Variants in DTL observed in about 807,000 individuals in gnomAD.
DTL encodes denticleless E3 ubiquitin protein ligase adapter, also known as denticleless protein homolog.
DTL carries 46 observed loss-of-function variants against 87.0 expected under a neutral mutation model. That is an observed-to-expected ratio of 0.53 (90% CI 0.42 to 0.68). The LOEUF (loss-of-function observed/expected upper bound fraction) is 0.68, where lower values mean the gene tolerates loss of function less well. DTL is among the 30% of genes least tolerant of loss of function. The pLI, the probability that DTL is intolerant of heterozygous loss-of-function variation, is 0.00. For missense variants in DTL, 737 were observed against 869.4 expected, an observed-to-expected ratio of 0.85 and a Z score of 1.91; for synonymous variants, 308 against 311.2, an observed-to-expected ratio of 0.99 and a Z score of 0.11.
chr1:212,084,173 C>T lies in DTL; in HGVS notation c.1261+3423C>T, dbSNP rs138628718. ...GATGGTGCTGCCTTATTTGTTTTTGCTCTTTGCTTTTTTTAATTTCTTTTT... is the reference window on the plus strand; with the variant it reads ...GATGGTGCTGCCTTATTTGTTTTTGTTCTTTGCTTTTTTTAATTTCTTTTT... On this transcript the variant is annotated intron_variant, in intron 13 of 14. Coordinates refer to ENST00000366991, the MANE Select transcript of DTL (RefSeq NM_016448.4). Among the ~76,000 whole-genome samples the T allele has an allele frequency of 6.8e-3, 1,016 of 150,306 alleles. 9 individuals are homozygous for T. Among genetic ancestry groups the T allele is most frequent in the Non-Finnish European group, 9.8e-3 (665 of 67,540 alleles).
intron 5 of DTL, among the ~76,000 whole-genome samples, 158 bp downstream of exon 5, chr1:212,047,575 C>T (rs1481315700): frequency 6.6e-6 from 1 of 152,188 alleles, no homozygotes; most frequent in Non-Finnish European, 1.5e-5. Context: ...TTCTGTTGCC[C>T]AGGCTGGAGT....
chr1:212,036,042 C>A, intron 1 of DTL, 100 bp downstream of exon 1: 8 of 1,125,652 alleles, frequency 7.1e-6, no homozygotes, highest in Non-Finnish European at 1.1e-5. Flanking sequence ...CTGAACTCAG[C>A]TTCTGAGTTC....
intron 5 of DTL, among the ~76,000 whole-genome samples, chr1:212,052,643 C>CAA (rs58890704): frequency 0.45 from 51,238 of 114,990 alleles, 11,266 homozygotes; most frequent in Non-Finnish European, 0.54. Flanking sequence ...GACTCTGCCT[C>CAA]AAAAAAAAAA....
At chr1:212,088,765 C>T (rs1655198836) in intron 13 of DTL, among the ~76,000 whole-genome samples, 1 of 152,184 alleles carries the variant, frequency 6.6e-6, no homozygotes, top group African/African-American at 2.4e-5. Context: ...ACTGAAAAGG[C>T]AGGCTGAGGC....
rs1487781664 is a variant in DTL, at chr1:212,104,100, A to G, written c.*1160A>G. 1 of 152,216 alleles carries G rather than the reference A, an allele frequency of 6.6e-6. No individual in the cohort carries two copies. The highest frequency in any genetic ancestry group is 1.5e-5 in the Non-Finnish European group (1 of 68,036). 9.4% of individuals were successfully genotyped at this position (152,216 alleles called of 1,614,324 possible). On this transcript the variant is annotated 3_prime_UTR_variant, in exon 15 of 15. Coordinates refer to ENST00000366991, the MANE Select transcript of DTL (RefSeq NM_016448.4). ...CCCTCCCCTTATTCAACAATTATGT[A>G]TCAGTGATCTTGAACCATTGTTTTA...
intron 1 of DTL, among the ~76,000 whole-genome samples, chr1:212,036,624 T>G (rs1667472618): frequency 6.6e-6 from 1 of 152,238 alleles, no homozygotes; most frequent in African/African-American, 2.4e-5. Context: ...TTTTTCACTT[T>G]AATGGTATAA....
At chr1:212,085,692 G>A (rs996952945) in intron 13 of DTL, among the ~76,000 whole-genome samples, 1 of 152,114 alleles carries the variant, frequency 6.6e-6, no homozygotes, top group Non-Finnish European at 1.5e-5. Flanking sequence ...TGCTTTTGAT[G>A]TTAAATCAAA....
chr1:212,074,208 T>A (rs1654763428), intron 11 of DTL, among the ~76,000 whole-genome samples: 1 of 151,438 alleles, frequency 6.6e-6, no homozygotes, highest in Non-Finnish European at 1.5e-5. Context: ...TGATAGTTTT[T>A]AAATTCTTAA....
intron 13 of DTL, among the ~76,000 whole-genome samples, chr1:212,090,242 C>A (rs1325557734): frequency 6.6e-6 from 1 of 152,092 alleles, no homozygotes; most frequent in African/African-American, 2.4e-5. Flanking sequence ...AGGCAAAAGT[C>A]AATTTGTAGA....
At chr1:212,089,080 C>T (rs1035593966) in intron 13 of DTL, among the ~76,000 whole-genome samples, 4 of 152,090 alleles carry the variant, frequency 2.6e-5, no homozygotes, top group African/African-American at 7.2e-5. Context: ...GACAAGACTC[C>T]GTCTCAAAAA....
At chr1:212,095,022 CAT>C (rs1655403525) in intron 13 of DTL, among the ~76,000 whole-genome samples, 1 of 152,166 alleles carries the variant, frequency 6.6e-6, no homozygotes, top group African/African-American at 2.4e-5. Flanking sequence ...GGTATACAAT[CAT>C]ATCATTTACT....
chr1:212,070,814 C>A (rs942445526), intron 10 of DTL, among the ~76,000 whole-genome samples: 1 of 152,076 alleles, frequency 6.6e-6, no homozygotes, highest in Non-Finnish European at 1.5e-5. Flanking sequence ...TTAAATTGAG[C>A]TCATTAAAGC....
At chr1:212,041,835 A>G (rs1000899956) in intron 1 of DTL, among the ~76,000 whole-genome samples, 1 of 152,096 alleles carries the variant, frequency 6.6e-6, no homozygotes, top group Non-Finnish European at 1.5e-5. Flanking sequence ...GTGGTCTTTA[A>G]CAGCTCCTTT....
At chr1:212,084,662 A>G (rs1054307266) in intron 13 of DTL, among the ~76,000 whole-genome samples, 1 of 152,064 alleles carries the variant, frequency 6.6e-6, no homozygotes, top group African/African-American at 2.4e-5. Context: ...AGACCTCTAA[A>G]TAGTTTTGTG....
At chr1:212,071,133 T>A (rs1654658404) in intron 10 of DTL, among the ~76,000 whole-genome samples, 1 of 152,252 alleles carries the variant, frequency 6.6e-6, no homozygotes, top group Non-Finnish European at 1.5e-5. Context: ...GCATAGCTTT[T>A]TCCTTTAAAG....
chr1:212,051,134 T>C (rs1667957130), intron 5 of DTL, among the ~76,000 whole-genome samples: 1 of 152,074 alleles, frequency 6.6e-6, no homozygotes, highest in Non-Finnish European at 1.5e-5. Flanking sequence ...GTTTCATCTG[T>C]ACCAGTTTTG....
intron 11 of DTL, chr1:212,077,658 A>G (rs1571968745): frequency 1.3e-5 from 2 of 153,928 alleles, no homozygotes. Context: ...TGGAAGGAAG[A>G]CCATCATCTT....
At chr1:212,072,477 G>A (rs1654703607) in intron 11 of DTL, among the ~76,000 whole-genome samples, 2 of 152,126 alleles carry the variant, frequency 1.3e-5, no homozygotes, top group African/African-American at 2.4e-5. Flanking sequence ...AGAATTCAGA[G>A]GGTGATAAGA....
rs907178129 is a variant in DTL at position 212,063,095 on chromosome 1, A to T, written c.526+146A>T. The T allele has an allele frequency of 1.4e-5, 9 of 650,570 alleles. No homozygotes were observed. The African/African-American group carries it at 1.6e-4, about 12-fold the overall frequency. The allele number at this position is 650,570 out of a possible 1,614,324, so 40.3% of individuals were successfully genotyped here. ...TCTGCTCACTGTTCCAGATCTCAGG[A>T]TCTTCACTGAGTGTCCTGAGTGATA... On this transcript the variant is annotated intron_variant, in intron 6 of 14. Transcript: ENST00000366991.
Sources: allele counts gnomAD v4.1 joint callset (sites outside exome capture counted in the v4.1 genomes callset), GRCh38; gene constraint gnomAD v4.1.1; transcripts MANE v1.5; gene names NCBI Gene and HGNC (gene_info 2026-07-23, HGNC 2026-07-21).